Variants in RGS6 observed in about 807,000 individuals in gnomAD.
RGS6 encodes the protein regulator of G protein signaling 6.
RGS6 carries 30 observed loss-of-function variants against 78.5 expected under a neutral mutation model. The ratio of observed to expected loss-of-function variants is 0.38; its 90% CI spans 0.29 to 0.52. The LOEUF is 0.52. Ranked by LOEUF, RGS6 falls within the 20% of genes least tolerant of loss-of-function variation. The pLI, the probability that RGS6 is intolerant of heterozygous loss-of-function variation, is 0.85. For synonymous variants in RGS6, 206 were observed against 206.0 expected, an observed-to-expected ratio of 1.00 and a Z score of 0.00; for missense variants, 495 against 609.7, an observed-to-expected ratio of 0.81 and a Z score of 1.98.
intron 3 of RGS6, among the ~76,000 whole-genome samples, chr14:72,415,232 G>A (rs1033791201): frequency 6.6e-6 from 1 of 152,222 alleles, no homozygotes; most frequent in Non-Finnish European, 1.5e-5. Context: ...CTAAAGCCTG[G>A]GCAATGGCGG....
intron 3 of RGS6, among the ~76,000 whole-genome samples, chr14:72,427,721 G>A (rs1405390505): frequency 1.3e-5 from 2 of 152,082 alleles, no homozygotes; most frequent in African/African-American, 4.8e-5. Context: ...CATTATCCTT[G>A]GTGACACCAT....
chr14:72,089,821 C>T (rs2095199708), intron 2 of RGS6, among the ~76,000 whole-genome samples: 1 of 152,208 alleles, frequency 6.6e-6, no homozygotes, highest in African/African-American at 2.4e-5. Flanking sequence ...ACCACCACCT[C>T]ACAGCTTAGC....
At chr14:71,908,962 C>T in the RGS6 span, among the ~76,000 whole-genome samples, 1 of 152,160 alleles carries the variant, frequency 6.6e-6, no homozygotes, top group South Asian at 2.1e-4. Context: ...ACATCTCCCA[C>T]CAAGTCTGCA....
At chr14:72,224,431 GAAGAAA>G (rs1370272350) in intron 2 of RGS6, among the ~76,000 whole-genome samples, 1 of 133,104 alleles carries the variant, frequency 7.5e-6, no homozygotes, top group Admixed American at 8.1e-5. Context: ...AAAAGAAGAA[GAAGAAA>G]AAGAAATGGT....
the RGS6 span, among the ~76,000 whole-genome samples, chr14:71,912,580 C>A: frequency 1.3e-5 from 2 of 152,102 alleles, no homozygotes; most frequent in Admixed American, 1.3e-4. Flanking sequence ...CTCAGGTCTA[C>A]TGAAAAGTAT....
At chr14:72,164,552 T>A (rs2153667914) in intron 2 of RGS6, among the ~76,000 whole-genome samples, 1 of 152,296 alleles carries the variant, frequency 6.6e-6, no homozygotes, top group South Asian at 2.1e-4. Flanking sequence ...CACAACCCAT[T>A]GATATGGGGA....
chr14:72,280,696 TATC>T (rs1390000277), intron 2 of RGS6, among the ~76,000 whole-genome samples: 1 of 152,248 alleles, frequency 6.6e-6, no homozygotes, highest in Non-Finnish European at 1.5e-5. Context: ...CACTGTCTAA[TATC>T]ATAGAAATCA....
At chr14:72,597,592 C>T in the RGS6 span, among the ~76,000 whole-genome samples, 1 of 152,056 alleles carries the variant, frequency 6.6e-6, no homozygotes, top group African/African-American at 2.4e-5. Flanking sequence ...TCCTGACAGA[C>T]GTTTTTAAAT....
intron 2 of RGS6, among the ~76,000 whole-genome samples, chr14:72,249,401 C>T (rs1367715732): frequency 1.3e-5 from 2 of 152,104 alleles, no homozygotes; most frequent in African/African-American, 4.8e-5. Context: ...TAGGGATGTC[C>T]TGTATAGATG....
intron 2 of RGS6, among the ~76,000 whole-genome samples, chr14:72,303,832 A>G (rs1416620146): frequency 6.6e-6 from 1 of 152,190 alleles, no homozygotes; most frequent in African/African-American, 2.4e-5. Context: ...ACAGTATTCT[A>G]AACCTCTTCT....
the RGS6 span, among the ~76,000 whole-genome samples, chr14:71,920,165 G>A: frequency 7.2e-5 from 11 of 152,126 alleles, no homozygotes; most frequent in African/African-American, 1.9e-4. Flanking sequence ...GAATTCAGAC[G>A]CAGGTCTTTG....
intron 2 of RGS6, among the ~76,000 whole-genome samples, chr14:72,046,556 C>T (rs2092852613): frequency 1.3e-5 from 2 of 151,630 alleles, no homozygotes; most frequent in African/African-American, 4.9e-5. Context: ...ATAGTTGCTT[C>T]CTCTCCCCAT....
chr14:72,574,705 A>G, the RGS6 span, among the ~76,000 whole-genome samples: 1 of 152,222 alleles, frequency 6.6e-6, no homozygotes, highest in Non-Finnish European at 1.5e-5. Flanking sequence ...AATAGAATGC[A>G]CATGGCAAAG....
intron 2 of RGS6, among the ~76,000 whole-genome samples, chr14:72,156,824 G>A (rs1296807182): frequency 2.0e-5 from 3 of 152,204 alleles, no homozygotes; most frequent in Non-Finnish European, 4.4e-5. Flanking sequence ...GGCACTGTCA[G>A]GGACAGCCAG....
At chr14:72,227,469 A>T (rs79684722) in intron 2 of RGS6, among the ~76,000 whole-genome samples, 4,174 of 152,240 alleles carry the variant, frequency 0.027, 100 homozygotes, top group African/African-American at 0.062. Context: ...TATTAAAATG[A>T]TGAAAAAATT....
chr14:72,099,375 G>C lies in RGS6; in HGVS notation c.84+134500G>C, dbSNP rs187516507. The stretch of plus-strand genomic sequence containing the variant: ...GGGGTTTCACCGTGTTAGCCAGGAT[G>C]GTCTCGACCTCCTGACCTGGTGATC... On this transcript the variant is annotated intron_variant, in intron 2 of 17. Coordinates refer to ENST00000553525, the MANE Select transcript of RGS6 (RefSeq NM_001204424.2). 4.2e-3 allele frequency among the ~76,000 whole-genome samples: 643 copies of C among 152,170 alleles called. 3 individuals are homozygous for C. The highest frequency in any genetic ancestry group is 0.015 in the African/African-American group (621 of 41,526).
intron 16 of RGS6, among the ~76,000 whole-genome samples, chr14:72,536,704 C>T (rs971543620): frequency 6.6e-5 from 10 of 152,126 alleles, no homozygotes; most frequent in African/African-American, 2.2e-4. Context: ...AGTATGAGGC[C>T]AGGGTTGGGG....
At position 72,312,861 on chromosome 14, in the gene RGS6, G is replaced by T. The variant is rs1475977183; in HGVS notation, c.85-39234G>T. ...TAACCCCTCTCCCATACAAAGCAAA[G>T]GGGTCTAAATAGCCCCAGTGCTCAC... On this transcript the variant is annotated intron_variant, in intron 2 of 17. Transcript: ENST00000553525. 2.0e-5 allele frequency among the ~76,000 whole-genome samples: 3 copies of T among 152,152 alleles called. No individual in the cohort carries two copies. The East Asian group carries it at 5.8e-4, about 29-fold the overall frequency.
intron 2 of RGS6, among the ~76,000 whole-genome samples, chr14:72,090,958 T>G (rs931703383): frequency 1.3e-5 from 2 of 151,984 alleles, no homozygotes; most frequent in African/African-American, 4.8e-5. Context: ...TTGCTCCTGG[T>G]GGGCTATCTC....
Sources: allele counts gnomAD v4.1 joint callset (sites outside exome capture counted in the v4.1 genomes callset), GRCh38; gene constraint gnomAD v4.1.1; transcripts MANE v1.5; gene names NCBI Gene and HGNC (gene_info 2026-07-23, HGNC 2026-07-21).